The following BANP variants were observed in gnomAD, a reference collection of about 807,000 sequenced individuals.
BANP encodes the protein protein BANP.
In BANP, 11 loss-of-function variants were observed where a neutral mutation model predicts 68.1. That is an observed-to-expected ratio of 0.16 (90% CI 0.10 to 0.27). The LOEUF (loss-of-function observed/expected upper bound fraction) is 0.27, where lower values mean the gene tolerates loss of function less well. Ranked by LOEUF, BANP falls within the 10% of genes least tolerant of loss-of-function variation. The pLI, the probability that BANP is intolerant of heterozygous loss-of-function variation, is 1.00. For synonymous variants in BANP, 329 were observed against 303.2 expected, an observed-to-expected ratio of 1.09 and a Z score of -0.88; for missense variants, 504 against 722.7, an observed-to-expected ratio of 0.70 and a Z score of 3.47.
intron 4 of BANP, among the ~76,000 whole-genome samples, chr16:87,985,236 ACT>A (rs2064117649): frequency 6.6e-6 from 1 of 151,122 alleles, no homozygotes; most frequent in Non-Finnish European, 1.5e-5. Flanking sequence ...GCCTCTTTGA[ACT>A]CTCGGGCATG....
chr16:88,021,344 G>A (rs115884492), intron 7 of BANP, among the ~76,000 whole-genome samples: 1,768 of 152,298 alleles, frequency 0.012, 37 homozygotes, highest in African/African-American at 0.04. Context: ...GGGCTCCTGG[G>A]CTTGCTCACA....
chr16:87,966,069 G>A (rs770476342), intron 1 of BANP, among the ~76,000 whole-genome samples: 10 of 152,224 alleles, frequency 6.6e-5, no homozygotes, highest in South Asian at 2.1e-4. Flanking sequence ...CATCCGCACC[G>A]CTGTGCAGCT....
At chr16:87,997,488 T>TA (rs2067587372) in intron 4 of BANP, among the ~76,000 whole-genome samples, 1 of 152,208 alleles carries the variant, frequency 6.6e-6, no homozygotes, top group Admixed American at 6.5e-5. Flanking sequence ...GTAAAGTGGG[T>TA]AAAATAGCCA....
intron 1 of BANP, among the ~76,000 whole-genome samples, chr16:87,964,727 G>T (rs1370288717): frequency 2.0e-5 from 3 of 152,164 alleles, no homozygotes; most frequent in Non-Finnish European, 4.4e-5. Flanking sequence ...GAGCAGGTCT[G>T]AGGGGCGGCC....
intron 1 of BANP, among the ~76,000 whole-genome samples, chr16:87,958,767 T>C (rs941727111): frequency 6.6e-6 from 1 of 152,230 alleles, no homozygotes; most frequent in Admixed American, 6.5e-5. Context: ...TGATTGAACA[T>C]GTGGCTTCTC....
In BANP at chr16:88,002,745, G is replaced by T. The variant is rs777703781; in HGVS notation, c.363-1550G>T. 2.2e-4 allele frequency among the ~76,000 whole-genome samples: 34 copies of T among 152,318 alleles called. No individual in the cohort carries two copies. The highest frequency in any genetic ancestry group is 4.1e-4 in the Non-Finnish European group (28 of 68,026). On this transcript the variant is annotated intron_variant, in intron 4 of 13. Transcript: ENST00000682872. The surrounding 1 kb of genome is among the most constrained non-coding windows in gnomAD (Gnocchi z 4.6). ...AAAAAAAAGGTATATTTGGTCAAAT[G>T]ACCTTGCCAAATGGTGGCCTGAATA...
At chr16:87,973,702 G>A (rs997743035) in intron 1 of BANP, among the ~76,000 whole-genome samples, 3 of 143,136 alleles carry the variant, frequency 2.1e-5, no homozygotes, top group Admixed American at 7.7e-5. Flanking sequence ...GAGGTAAGCC[G>A]AGATTGCGCC....
intron 4 of BANP, among the ~76,000 whole-genome samples, chr16:87,988,250 A>C (rs1191655560): frequency 6.6e-5 from 10 of 152,122 alleles, no homozygotes; most frequent in Non-Finnish European, 1.5e-5. Flanking sequence ...AGGTGCTTCT[A>C]TGGATTATTT....
chr16:88,070,514 C>T (rs1233720989), intron 12 of BANP, among the ~76,000 whole-genome samples: 2 of 152,194 alleles, frequency 1.3e-5, no homozygotes, highest in South Asian at 4.1e-4. Flanking sequence ...CTCAGCTATT[C>T]GCCCGAGGCT....
intron 1 of BANP, among the ~76,000 whole-genome samples, chr16:87,967,263 T>G (rs1376998812): frequency 2.3e-4 from 5 of 21,912 alleles, no homozygotes; most frequent in Non-Finnish European, 4.2e-4. Context: ...TCTTTTTTTT[T>G]TTTTTTTTTT....
intron 10 of BANP, among the ~76,000 whole-genome samples, chr16:88,035,786 T>C (rs1489655807): frequency 6.6e-6 from 1 of 152,192 alleles, no homozygotes; most frequent in African/African-American, 2.4e-5. Flanking sequence ...TCACCTGCCA[T>C]GTGGCCCCAG....
chr16:88,077,161 G>A lies in BANP; in HGVS notation c.*500G>A, dbSNP rs1173865992. ...CTCTGTCCAGTGTCATGAGACGGGA[G>A]CCCTTTGCTGTGTGCTCTGTCCAGT... On this transcript the variant is annotated 3_prime_UTR_variant, in exon 14 of 14. Transcript: ENST00000682872. 6.2e-6 allele frequency: 1 copy of A among 160,582 alleles called. No individual in the cohort carries two copies. Among genetic ancestry groups the A allele is most frequent in the Non-Finnish European group, 1.4e-5 (1 of 72,696 alleles). 9.9% of individuals were successfully genotyped at this position (160,582 alleles called of 1,614,324 possible).
chr16:87,958,347 G>A (rs2058497706), intron 1 of BANP, among the ~76,000 whole-genome samples: 1 of 152,216 alleles, frequency 6.6e-6, no homozygotes, highest in South Asian at 2.1e-4. Flanking sequence ...AAGGAGCATG[G>A]TTCGGAGTGG....
At chr16:88,016,906 T>G (rs1201307838) in intron 6 of BANP, among the ~76,000 whole-genome samples, 3 of 152,370 alleles carry the variant, frequency 2.0e-5, no homozygotes, top group South Asian at 4.1e-4. Flanking sequence ...TATCCTTAGC[T>G]ACAGCCAAGA....
Position 87,984,087 on chromosome 16 carries a change from A to G in BANP, c.190A>G (p.Ile64Val), listed in dbSNP as rs1567660477. 8.7e-6 allele frequency: 14 copies of G among 1,613,880 alleles called. No individual in the cohort carries two copies. Among genetic ancestry groups the G allele is most frequent in the African/African-American group, 1.3e-5 (1 of 74,858 alleles). Reference protein sequence around the residue: ...KSFLYSINQTICLRLDSIEAK... With the variant: ...KSFLYSINQTVCLRLDSIEAK... ...ATTCCTGTATTCCATCAACCAGACA[A>G]TCTGCTTGCGGTTGGATAGCATTGA... The change falls in exon 4 of 14, where the codon ATC becomes GTC. Residue 64 changes from isoleucine to valine, a missense_variant. Physicochemically the swap from Ile to Val is conservative, Grantham distance 29. Transcript: ENST00000682872.
chr16:88,074,802 C>T (rs1225050619), intron 13 of BANP, among the ~76,000 whole-genome samples: 1 of 152,162 alleles, frequency 6.6e-6, no homozygotes, highest in African/African-American at 2.4e-5. Flanking sequence ...CAGCTGTGGC[C>T]GGGCTCGCAG....
At chr16:88,010,195 C>T (rs2072655093) in intron 6 of BANP, among the ~76,000 whole-genome samples, 3 of 152,152 alleles carry the variant, frequency 2.0e-5, no homozygotes, top group African/African-American at 7.2e-5. Flanking sequence ...ACAAGTTGAG[C>T]TAAAATGGAC....
chr16:87,955,267 C>A (rs1309141579), intron 1 of BANP, among the ~76,000 whole-genome samples: 1 of 152,232 alleles, frequency 6.6e-6, no homozygotes, highest in Non-Finnish European at 1.5e-5. Context: ...GTCCAGGGGC[C>A]AGCTGTGTCC....
intron 6 of BANP, among the ~76,000 whole-genome samples, chr16:88,016,323 C>T (rs1488743289): frequency 6.6e-6 from 1 of 152,224 alleles, no homozygotes; most frequent in Non-Finnish European, 1.5e-5. Context: ...CTTGGGTTTC[C>T]CCTGCAGATT....
Sources: gnomAD v4.1 joint callset for allele counts (sites outside exome capture counted in the v4.1 genomes callset) on GRCh38, gnomAD v4.1.1 for gene constraint, Gnocchi (gnomAD v3.1) non-coding constraint, MANE v1.5 for transcripts, NCBI Gene and HGNC (gene_info 2026-07-23, HGNC 2026-07-21) for gene names.